The following LAMA2 variants were observed in gnomAD, a reference collection of about 807,000 sequenced individuals.
The protein encoded by LAMA2 is laminin subunit alpha-2.
LAMA2 carries 269 observed loss-of-function variants against 364.8 expected under a neutral mutation model. That is an observed-to-expected ratio of 0.74 (90% CI 0.67 to 0.82). LAMA2 has a LOEUF of 0.82. Ranked by LOEUF, LAMA2 falls within the 40% of genes least tolerant of loss-of-function variation. The pLI is 0.00. For missense variants in LAMA2, 3,807 were observed against 3,873.2 expected (o/e 0.98, Z 0.45); for synonymous variants, 1,379 against 1,370.6 (o/e 1.01, Z -0.14).
intron 34 of LAMA2, among the ~76,000 whole-genome samples, chr6:129,376,139 C>T (rs1442397554): frequency 2.6e-5 from 4 of 152,216 alleles, no homozygotes; most frequent in African/African-American, 9.6e-5. Context: ...GCTCTCCCAC[C>T]ATGATCTAAT....
At chr6:128,933,900 T>G (rs973446718) in intron 1 of LAMA2, among the ~76,000 whole-genome samples, 9 of 152,226 alleles carry the variant, frequency 5.9e-5, no homozygotes, top group Non-Finnish European at 1.2e-4. Context: ...TGCCTTTTTA[T>G]TTTGTTGATT....
intron 64 of LAMA2, among the ~76,000 whole-genome samples, chr6:129,514,893 A>T (rs1297215376): frequency 6.6e-6 from 1 of 152,226 alleles, no homozygotes; most frequent in Non-Finnish European, 1.5e-5. Context: ...TTTAACAGCA[A>T]TTGGAGCCAA....
chr6:129,113,120 T>C (rs193115922), intron 4 of LAMA2, among the ~76,000 whole-genome samples: 80 of 152,204 alleles, frequency 5.3e-4, no homozygotes, highest in Admixed American at 1.2e-3. Flanking sequence ...GTTTTAGCTT[T>C]AGCTTATACA....
chr6:129,349,458 ATTCATTATTTGAAGAAC>A, intron 31 of LAMA2, 74 bp downstream of exon 31: 1 of 1,182,482 alleles, frequency 8.5e-7, no homozygotes, highest in Non-Finnish European at 1.3e-6. Flanking sequence ...ATAGGAAAAC[ATTCATTATTTGAAGAAC>A]TTCAATATTT....
chr6:128,899,985 G>A (rs577969085), intron 1 of LAMA2, among the ~76,000 whole-genome samples: 5 of 152,180 alleles, frequency 3.3e-5, no homozygotes, highest in Admixed American at 2.6e-4. Context: ...GATTTGATTG[G>A]CATCTGTTTT....
intron 1 of LAMA2, among the ~76,000 whole-genome samples, chr6:129,039,655 A>G (rs1280652628): frequency 2.0e-5 from 3 of 152,190 alleles, no homozygotes; most frequent in Non-Finnish European, 4.4e-5. Flanking sequence ...TGTGGAAGAC[A>G]ATTTTTCCAT....
chr6:129,093,117 G>A lies in LAMA2; in HGVS notation c.397-5056G>A, dbSNP rs371253167. The stretch of plus-strand genomic sequence containing the variant: ...CCTGCCTCAGCTTCCGGAGTAGCTG[G>A]GATTACAGGCGCCCACCACCACCCC... On this transcript the variant is annotated intron_variant, in intron 3 of 64. Coordinates refer to ENST00000421865, the MANE Select transcript of LAMA2 (RefSeq NM_000426.4). 1.9e-3 allele frequency among the ~76,000 whole-genome samples: 294 copies of A among 151,548 alleles called. 1 individual carries two copies. Among genetic ancestry groups the A allele is most frequent in the African/African-American group, 6.8e-3 (282 of 41,326 alleles).
intron 12 of LAMA2, among the ~76,000 whole-genome samples, chr6:129,234,726 A>T (rs1287451841): frequency 6.6e-6 from 1 of 152,188 alleles, no homozygotes; most frequent in Non-Finnish European, 1.5e-5. Context: ...TTGTGTATGT[A>T]CTTTTATGTT....
intron 1 of LAMA2, among the ~76,000 whole-genome samples, chr6:128,938,636 G>A (rs974478666): frequency 1.3e-5 from 2 of 152,264 alleles, no homozygotes; most frequent in East Asian, 3.9e-4. Flanking sequence ...ATGTTAAAAT[G>A]TACTTCTCAG....
chr6:129,158,378 T>G, intron 8 of LAMA2: 2 of 1,613,976 alleles, frequency 1.2e-6, no homozygotes, highest in Non-Finnish European at 1.7e-6. Context: ...TGCCCATCCG[T>G]ACTTCTCCAT....
At chr6:129,445,612 TGTGTGTGCAC>T in intron 44 of LAMA2, 45 bp from the exon 45 acceptor site, 6 of 1,461,794 alleles carry the variant, frequency 4.1e-6, no homozygotes, top group Middle Eastern at 1.7e-4. Flanking sequence ...ATTCTAATTC[TGTGTGTGCAC>T]GTGTGTGCAT....
intron 1 of LAMA2, among the ~76,000 whole-genome samples, chr6:128,949,046 A>G (rs1447790307): frequency 6.6e-6 from 1 of 152,228 alleles, no homozygotes; most frequent in Non-Finnish European, 1.5e-5. Flanking sequence ...TGTAGGATAA[A>G]TATGGTATGA....
rs765438960 is a variant in LAMA2, at chr6:129,473,332, G to C, written c.7419G>C (p.Leu2473=). The C allele has an allele frequency of 2.0e-5, 33 of 1,612,272 alleles. No individual in the cohort carries two copies. The highest frequency in any genetic ancestry group is 2.8e-5 in the Non-Finnish European group (33 of 1,178,898). Residue 2473 remains leucine, a synonymous_variant, in exon 52 of 65, where the codon CTG becomes CTC. Coordinates refer to ENST00000421865, the MANE Select transcript of LAMA2 (RefSeq NM_000426.4). ...ATGACAAAATATATTTTGGTGGCCT[G>C]CCAACGCTGAGAAACTTGAGGTAAT... The part of the protein sequence containing the change: ...KADDKIYFGG[L]PTLRNLSMKA...
chr6:129,133,228 A>G (rs1375708189), intron 4 of LAMA2, among the ~76,000 whole-genome samples: 1 of 152,218 alleles, frequency 6.6e-6, no homozygotes, highest in Non-Finnish European at 1.5e-5. Context: ...AAGATCAGAG[A>G]GGCCTACAGT....
At chr6:128,960,307 C>G (rs1388097197) in intron 1 of LAMA2, among the ~76,000 whole-genome samples, 2 of 142,958 alleles carry the variant, frequency 1.4e-5, no homozygotes, top group African/African-American at 5.1e-5. Flanking sequence ...AGCTTTTTGT[C>G]TTTGGTTTAT....
chr6:129,024,589 C>T (rs183309149), intron 1 of LAMA2, among the ~76,000 whole-genome samples: 2 of 151,848 alleles, frequency 1.3e-5, no homozygotes, highest in East Asian at 3.9e-4. Context: ...AGAGACGGGA[C>T]TTCACCATGT....
At chr6:129,353,495 C>T in intron 32 of LAMA2, 138 bp downstream of exon 32, 1 of 717,814 alleles carries the variant, frequency 1.4e-6, no homozygotes, top group Non-Finnish European at 2.4e-6. Flanking sequence ...CTTTCTGACA[C>T]TATCTATCCA....
chr6:128,948,294 T>G (rs910972207), intron 1 of LAMA2, among the ~76,000 whole-genome samples: 8 of 152,268 alleles, frequency 5.3e-5, no homozygotes, highest in Non-Finnish European at 7.4e-5. Context: ...ATAGGAATAC[T>G]AATTTCTCCC....
intron 1 of LAMA2, among the ~76,000 whole-genome samples, chr6:128,962,851 C>G (rs1467234183): frequency 6.6e-6 from 1 of 152,138 alleles, no homozygotes; most frequent in Admixed American, 6.5e-5. Flanking sequence ...CTCTATTTCT[C>G]TTCATTTGAA....
Sources: gnomAD v4.1 joint callset for allele counts (sites outside exome capture counted in the v4.1 genomes callset) on GRCh38, gnomAD v4.1.1 for gene constraint, MANE v1.5 for transcripts, NCBI Gene and HGNC (gene_info 2026-07-23, HGNC 2026-07-21) for gene names.